The following MAPK6 variants were observed in gnomAD, a reference collection of about 807,000 sequenced individuals.
MAPK6 encodes ERK-3.
In MAPK6, 19 loss-of-function variants were observed where a neutral mutation model predicts 59.3. The ratio of observed to expected loss-of-function variants is 0.32; its 90% CI spans 0.22 to 0.47. The LOEUF is 0.47. Ranked by LOEUF, MAPK6 falls within the 20% of genes least tolerant of loss-of-function variation. The probability of loss-of-function intolerance (pLI) is 1.00; values close to 1 mark genes in which losing one functional copy is unlikely to be tolerated. For missense variants in MAPK6, 724 were observed against 847.9 expected (o/e 0.85, Z 1.81); for synonymous variants, 316 against 290.3 (o/e 1.09, Z -0.90).
intron 1 of MAPK6, among the ~76,000 whole-genome samples, chr15:52,020,352 A>T (rs771212834): frequency 1.3e-5 from 2 of 151,834 alleles, no homozygotes; most frequent in African/African-American, 2.4e-5. Flanking sequence ...TTGCTTGTTC[A>T]TTGGAAAAGG....
chr15:51,975,237 A>G (rs1239160590), intron 1 of MAPK6, among the ~76,000 whole-genome samples: 1 of 151,758 alleles, frequency 6.6e-6, no homozygotes, highest in African/African-American at 2.4e-5. Flanking sequence ...CATTTTTACA[A>G]GGTAATCAAA....
chr15:52,061,627 A>C, intron 5 of MAPK6, 127 bp downstream of exon 5: 1 of 758,112 alleles, frequency 1.3e-6, no homozygotes. Flanking sequence ...GTAAAGATAC[A>C]AAAATTAGTC....
intron 2 of MAPK6, among the ~76,000 whole-genome samples, chr15:51,991,405 T>G (rs1249139746): frequency 6.6e-6 from 1 of 152,136 alleles, no homozygotes; most frequent in African/African-American, 2.4e-5. Context: ...GATAGAAAAT[T>G]TAGGTCTCAT....
At chr15:52,011,560 AT>A (rs1487191569) in intron 3 of MAPK6, 1 of 152,238 alleles carries the variant, frequency 6.6e-6, no homozygotes, top group Admixed American at 6.5e-5. Flanking sequence ...AACAATAAGT[AT>A]TTAAAAAGGT....
chr15:52,054,017 T>C (rs938867419), intron 3 of MAPK6, among the ~76,000 whole-genome samples: 3 of 152,054 alleles, frequency 2.0e-5, no homozygotes, highest in African/African-American at 7.2e-5. Flanking sequence ...TGAGGAATAA[T>C]TGCCTGACCC....
chr15:52,056,186 A>C (rs2031976864), intron 3 of MAPK6, among the ~76,000 whole-genome samples: 1 of 152,112 alleles, frequency 6.6e-6, no homozygotes, highest in Non-Finnish European at 1.5e-5. Context: ...GTGTGTCCAG[A>C]TTGTCTCTCT....
At chr15:51,982,077 T>C (rs2057175928) in intron 1 of MAPK6, among the ~76,000 whole-genome samples, 1 of 151,960 alleles carries the variant, frequency 6.6e-6, no homozygotes, top group South Asian at 2.1e-4. Context: ...CATCAGGAAA[T>C]GTAGACTTCC....
At chr15:52,055,072 G>T (rs967826373) in intron 3 of MAPK6, among the ~76,000 whole-genome samples, 8 of 152,160 alleles carry the variant, frequency 5.3e-5, no homozygotes, top group African/African-American at 1.4e-4. Flanking sequence ...GAGCCACCGT[G>T]TCCGGCCAAG....
At chr15:52,016,078 A>T (rs1162230628), upstream of MAPK6, among the ~76,000 whole-genome samples, 4 of 120,550 alleles carry the variant, frequency 3.3e-5, no homozygotes, top group African/African-American at 1.2e-4. Context: ...GCGCACACAC[A>T]CACACACACA....
chr15:51,972,072 T>G lies in MAPK6; in HGVS notation c.-880+166T>G, dbSNP rs889147300. Among the ~76,000 whole-genome samples the G allele has an allele frequency of 7.9e-5, 12 of 151,994 alleles. No homozygotes were observed. The South Asian group carries it at 1.5e-3, about 18-fold the overall frequency. On this transcript the variant is annotated intron_variant, in intron 1 of 7. Transcript: ENST00000691380. ...CTGGCTGGATTAAACCTATCGCGAGTCAGGATTGAAGCCCTTTGTTTCTTA... is the reference window on the plus strand; with the variant it reads ...CTGGCTGGATTAAACCTATCGCGAGGCAGGATTGAAGCCCTTTGTTTCTTA...
chr15:52,049,784 T>G (rs1450906296), intron 2 of MAPK6, among the ~76,000 whole-genome samples: 3 of 151,942 alleles, frequency 2.0e-5, no homozygotes, highest in African/African-American at 7.3e-5. Flanking sequence ...CTGGCTAATT[T>G]TGTATTTTTA....
At position 52,065,327 on chromosome 15, in the gene MAPK6, CAGTG is replaced by C. The variant is rs1343084043; in HGVS notation, c.*330_*333del. 2.5e-5 allele frequency: 5 copies of C among 203,104 alleles called. No homozygotes were observed. Among genetic ancestry groups the C allele is most frequent in the Non-Finnish European group, 3.9e-5 (4 of 101,624 alleles). The allele number at this position is 203,104 out of a possible 1,614,324, so 12.6% of individuals were successfully genotyped here. A position where few individuals can be genotyped will look rare whatever the true frequency, so the allele number is the denominator to read the frequency against. On this transcript the variant is annotated 3_prime_UTR_variant, in exon 6 of 6. Coordinates refer to ENST00000261845, the MANE Select transcript of MAPK6 (RefSeq NM_002748.4). ...AACAAACCTTGCCTTGAAATTTACA[CAGTG>C]AGACTGTACATAATTGCATGAAAAT...
At chr15:52,014,294 G>T (rs1472116928), upstream of MAPK6, among the ~76,000 whole-genome samples, 1 of 152,052 alleles carries the variant, frequency 6.6e-6, no homozygotes, top group Non-Finnish European at 1.5e-5. Context: ...TTTAGCAATA[G>T]CATAGCTCAC....
chr15:52,064,067 G>A lies in MAPK6; in HGVS notation c.1233G>A (p.Glu411=). 2 of 1,613,254 alleles carry A rather than the reference G, an allele frequency of 1.2e-6. No homozygotes were observed. The highest frequency in any genetic ancestry group is 1.7e-6 in the Non-Finnish European group (2 of 1,179,616). ...YLDGDREKYL[E]DPAFDTNYST... ...ATGGAGATCGGGAAAAGTATCTGGA[G>A]GATCCTGCTTTTGATACCAATTACT... The change falls in exon 6 of 6, where the codon GAG becomes GAA. Residue 411 remains glutamate (E), a synonymous_variant. Coordinates refer to ENST00000261845, the MANE Select transcript of MAPK6 (RefSeq NM_002748.4).
At chr15:51,972,804 A>T (rs2057139998) in intron 1 of MAPK6, among the ~76,000 whole-genome samples, 1 of 150,978 alleles carries the variant, frequency 6.6e-6, no homozygotes, top group Non-Finnish European at 1.5e-5. Flanking sequence ...CCTGGGCACG[A>T]GACTCCATCT....
At chr15:52,011,876 A>G (rs938979002) in intron 3 of MAPK6, among the ~76,000 whole-genome samples, 2 of 152,230 alleles carry the variant, frequency 1.3e-5, no homozygotes, top group African/African-American at 4.8e-5. Flanking sequence ...TTTTAAATTA[A>G]GAGTATAAAC....
chr15:52,060,349 G>A (rs768312090), intron 4 of MAPK6, among the ~76,000 whole-genome samples: 4 of 152,234 alleles, frequency 2.6e-5, no homozygotes, highest in Non-Finnish European at 5.9e-5. Context: ...GGATGTGTGA[G>A]TGACCATAGT....
At chr15:51,976,021 C>T (rs1334343769) in intron 1 of MAPK6, among the ~76,000 whole-genome samples, 3 of 151,726 alleles carry the variant, frequency 2.0e-5, no homozygotes, top group Admixed American at 6.6e-5. Flanking sequence ...AATCCCAGCA[C>T]TTTGGGAGGC....
intron 5 of MAPK6, among the ~76,000 whole-genome samples, chr15:52,061,912 G>C (rs886496828): frequency 2.0e-5 from 3 of 151,892 alleles, no homozygotes; most frequent in African/African-American, 7.3e-5. Context: ...AGTCATTAAG[G>C]CATATTTATA....
Sources: allele counts gnomAD v4.1 joint callset (sites outside exome capture counted in the v4.1 genomes callset), GRCh38; gene constraint gnomAD v4.1.1; transcripts MANE v1.5; gene names NCBI Gene and HGNC (gene_info 2026-07-23, HGNC 2026-07-21).